SIK3: variants seen among roughly 807,000 people sequenced by gnomAD.
SIK3 encodes serine/threonine-protein kinase SIK3.
In SIK3, 28 loss-of-function variants were observed where a neutral mutation model predicts 144.2. The observed-to-expected ratio is 0.19, with a 90% CI of 0.14 to 0.27. The LOEUF (loss-of-function observed/expected upper bound fraction) is 0.27. SIK3 is among the 10% of genes least tolerant of loss of function. The pLI is 1.00. For missense variants in SIK3, 1,319 were observed against 1,776.0 expected (o/e 0.74, Z 4.62); for synonymous variants, 686 against 676.3 (o/e 1.01, Z -0.22).
intron 3 of SIK3, among the ~76,000 whole-genome samples, chr11:116,944,193 C>G (rs1948456367): frequency 6.6e-6 from 1 of 152,006 alleles, no homozygotes; most frequent in South Asian, 2.1e-4. Flanking sequence ...AGAACTTGGC[C>G]TTACCCAAAG....
chr11:117,078,670 T>C (rs1220127717), intron 1 of SIK3, among the ~76,000 whole-genome samples: 1 of 152,124 alleles, frequency 6.6e-6, no homozygotes, highest in Non-Finnish European at 1.5e-5. Context: ...CCCAAAGTGC[T>C]GGGATTATAG....
chr11:116,918,217 C>G (rs566008753), intron 4 of SIK3, among the ~76,000 whole-genome samples: 6 of 152,170 alleles, frequency 3.9e-5, no homozygotes, highest in Non-Finnish European at 8.8e-5. Flanking sequence ...ACACTTTATT[C>G]AATGCTGTGC....
At chr11:116,898,349 C>T (rs1945540585) in intron 4 of SIK3, among the ~76,000 whole-genome samples, 4 of 152,094 alleles carry the variant, frequency 2.6e-5, no homozygotes, top group Non-Finnish European at 5.9e-5. Flanking sequence ...GTATATGTGA[C>T]ACATTTTCTT....
chr11:117,016,146 T>C (rs1356536854), intron 1 of SIK3, among the ~76,000 whole-genome samples: 2 of 151,516 alleles, frequency 1.3e-5, no homozygotes, highest in African/African-American at 2.4e-5. Context: ...GCCAATGTAA[T>C]GAAACCCCGT....
rs1260938554 is a variant in SIK3 at position 116,867,838 on chromosome 11, G to A, written c.1952+108C>T. ...AAGATGTGAGTTCAGGATGACAGCT[G>A]GCTTCTATTTAAAGCCACGATGCTA... On this transcript the variant is annotated intron_variant, in intron 15 of 24. Coordinates refer to ENST00000445177, the MANE Select transcript of SIK3 (RefSeq NM_001366686.3). The surrounding 1 kb of genome is among the most constrained non-coding windows in gnomAD (Gnocchi z 4.1). 4 of 1,157,832 alleles carry A rather than the reference G, an allele frequency of 3.5e-6. No individual in the cohort carries two copies. The Admixed American group carries it at 1.2e-4, about 36-fold the overall frequency. 71.7% of individuals were successfully genotyped at this position (1,157,832 alleles called of 1,614,324 possible).
At chr11:116,990,992 C>T (rs1023724454) in intron 1 of SIK3, among the ~76,000 whole-genome samples, 1 of 152,196 alleles carries the variant, frequency 6.6e-6, no homozygotes, top group Non-Finnish European at 1.5e-5. Context: ...CATATTATCC[C>T]GTTCAATCAA....
rs1388373283 is a variant in SIK3 at position 116,897,404 on chromosome 11, A to AAATCATTGTCTGCATTT, written c.617-88_617-87insAAATGCAGACAATGATT. ...CTAGTCTCTAGTCACTAAAGATTCCAAATCATTGTCTGAATATTAAATGCA... is the reference window on the plus strand; with the variant it reads ...CTAGTCTCTAGTCACTAAAGATTCCAAATCATTGTCTGCATTTAATCATTGTCTGAATATTAAATGCA... On this transcript the variant is annotated intron_variant, in intron 4 of 24. Coordinates refer to ENST00000445177, the MANE Select transcript of SIK3 (RefSeq NM_001366686.3). The AAATCATTGTCTGCATTT allele has an allele frequency of 4.4e-5, 53 of 1,197,388 alleles. No individual in the cohort carries two copies. In the African/African-American group the frequency reaches 7.4e-4, roughly 17 times the overall value. 74.2% of individuals were successfully genotyped at this position (1,197,388 alleles called of 1,614,324 possible). A position where few individuals can be genotyped will look rare whatever the true frequency, so the allele number is the denominator to read the frequency against.
chr11:117,036,859 C>T (rs1009377040), intron 1 of SIK3, among the ~76,000 whole-genome samples: 17 of 152,122 alleles, frequency 1.1e-4, no homozygotes, highest in Admixed American at 6.6e-4. Context: ...AGAAATAAAT[C>T]CCTTAAAGGA....
At chr11:116,891,603 G>C (rs564235366) in intron 6 of SIK3, among the ~76,000 whole-genome samples, 9 of 152,178 alleles carry the variant, frequency 5.9e-5, no homozygotes, top group African/African-American at 2.2e-4. Flanking sequence ...AGAGGCAATG[G>C]TAAACCACTG....
In SIK3 at chr11:116,940,059, T is replaced by C. The variant is rs79394589; in HGVS notation, c.455-12679A>G. ...GCTGTTGTATGTAAGAATGGCATTG[T>C]AGACTTCTGTTTTGATTATGAAAGA... On this transcript the variant is annotated intron_variant, in intron 3 of 24. Transcript: ENST00000445177. 0.016 allele frequency among the ~76,000 whole-genome samples: 2,436 copies of C among 152,280 alleles called. 130 individuals are homozygous for C. In the East Asian group the frequency reaches 0.2, roughly 12 times the overall value.
chr11:116,999,161 G>A (rs780534324), intron 1 of SIK3, among the ~76,000 whole-genome samples: 4 of 152,166 alleles, frequency 2.6e-5, no homozygotes, highest in Non-Finnish European at 5.9e-5. Context: ...TGACCATATT[G>A]TTTAAAATGT....
At chr11:117,006,512 A>C (rs1449120624) in intron 1 of SIK3, among the ~76,000 whole-genome samples, 2 of 152,106 alleles carry the variant, frequency 1.3e-5, no homozygotes, top group Non-Finnish European at 2.9e-5. Context: ...TCAGAAACTT[A>C]AGCTGCTGCA....
chr11:117,025,941 TTC>T (rs1951992822), intron 1 of SIK3, among the ~76,000 whole-genome samples: 1 of 152,122 alleles, frequency 6.6e-6, no homozygotes, highest in Non-Finnish European at 1.5e-5. Context: ...TGTTATCAAA[TTC>T]TCAAATTTGG....
At chr11:116,932,106 C>G (rs1947640298) in intron 3 of SIK3, among the ~76,000 whole-genome samples, 3 of 152,160 alleles carry the variant, frequency 2.0e-5, no homozygotes. Flanking sequence ...ATTAACTCTA[C>G]GTTCAAATCA....
At chr11:117,019,020 A>G (rs1273728189) in intron 1 of SIK3, among the ~76,000 whole-genome samples, 2 of 146,638 alleles carry the variant, frequency 1.4e-5, no homozygotes, top group African/African-American at 5.1e-5. Flanking sequence ...TTTTATTGTA[A>G]CTTTTTTTTT....
chr11:117,035,276 A>AT (rs1203699760), intron 1 of SIK3, among the ~76,000 whole-genome samples: 5 of 152,196 alleles, frequency 3.3e-5, no homozygotes, highest in Admixed American at 6.5e-5. Context: ...GAAATGAGGA[A>AT]TTTTTTAATG....
chr11:117,049,427 A>G (rs1953122071), intron 1 of SIK3, among the ~76,000 whole-genome samples: 1 of 151,710 alleles, frequency 6.6e-6, no homozygotes, highest in East Asian at 2.0e-4. Context: ...AAAATACAAA[A>G]ATTACCCAAG....
chr11:116,953,930 T>C (rs1304650769), intron 3 of SIK3, 114 bp downstream of exon 3: 4 of 708,164 alleles, frequency 5.6e-6, no homozygotes, highest in Admixed American at 2.6e-5. Context: ...AATGGCAGGA[T>C]TGAAGAACAG....
intron 1 of SIK3, among the ~76,000 whole-genome samples, chr11:117,087,976 T>C (rs1036254672): frequency 6.6e-6 from 1 of 152,122 alleles, no homozygotes; most frequent in African/African-American, 2.4e-5. Context: ...ACACCCGTAA[T>C]CCCAACACTT....
Sources: gnomAD v4.1 joint callset for allele counts (sites outside exome capture counted in the v4.1 genomes callset) on GRCh38, gnomAD v4.1.1 for gene constraint, Gnocchi (gnomAD v3.1) non-coding constraint, MANE v1.5 for transcripts, NCBI Gene and HGNC (gene_info 2026-07-23, HGNC 2026-07-21) for gene names.